Variants in PSTPIP2 observed in about 807,000 individuals in gnomAD.
PSTPIP2 encodes the protein proline-serine-threonine phosphatase-interacting protein 2.
Under a neutral mutation model 63.3 loss-of-function variants are expected in PSTPIP2, and 33 were observed. That is an observed-to-expected ratio of 0.52 (90% CI 0.40 to 0.70). The LOEUF (loss-of-function observed/expected upper bound fraction) is 0.70, where lower values mean the gene tolerates loss of function less well. Ranked by LOEUF, PSTPIP2 falls within the 30% of genes least tolerant of loss-of-function variation. The pLI is 0.00. For missense variants in PSTPIP2, 312 were observed against 400.7 expected (o/e 0.78, Z 1.89); for synonymous variants, 125 against 132.7 (o/e 0.94, Z 0.40).
intron 4 of PSTPIP2, among the ~76,000 whole-genome samples, chr18:46,013,780 A>G (rs2051825418): frequency 6.6e-6 from 1 of 152,134 alleles, no homozygotes; most frequent in Non-Finnish European, 1.5e-5. Context: ...CAGGAAGAAA[A>G]TGACTCCTTA....
chr18:45,997,674 C>G lies in PSTPIP2; in HGVS notation c.642+75G>C, dbSNP rs369221828. The G allele has an allele frequency of 0.029, 8,276 of 280,684 alleles. 1,157 individuals carry two copies. In the East Asian group the frequency reaches 0.38, roughly 13 times the overall value. 17.4% of individuals were successfully genotyped at this position (280,684 alleles called of 1,614,324 possible). Reference sequence around the variant, plus strand: ...CCTCCCCCTCCTCCCCTCCCCCCCCCGTCCTGAGCAGCTTCCTGTTACACA... The same window carrying G: ...CCTCCCCCTCCTCCCCTCCCCCCCCGGTCCTGAGCAGCTTCCTGTTACACA... On this transcript the variant is annotated intron_variant, in intron 9 of 14. Transcript: ENST00000409746.
At chr18:46,029,211 T>G in intron 2 of PSTPIP2, 11 of 1,048,848 alleles carry the variant, frequency 1.0e-5, no homozygotes, top group African/African-American at 1.6e-5. Context: ...GTGCATCAAG[T>G]GAGAGGTTTG....
At position 46,006,360 on chromosome 18, in the gene PSTPIP2, C is replaced by CTTTT. The variant is rs756384731; in HGVS notation, c.355-833_355-830dup. On this transcript the variant is annotated intron_variant, in intron 5 of 14. Coordinates refer to ENST00000409746, the MANE Select transcript of PSTPIP2 (RefSeq NM_024430.4). ...TGAGCCACCATGCCCAGCCCTGGTA[C>CTTTT]TTTTTTTTTTTTTTTTTTTTTTTTT... Among the ~76,000 whole-genome samples, 26 of 115,642 alleles carry CTTTT rather than the reference C, an allele frequency of 2.2e-4. 3 individuals are homozygous for CTTTT. The highest frequency in any genetic ancestry group is 7.0e-4 in the African/African-American group (19 of 27,118). 75.9% of individuals were successfully genotyped at this position (115,642 alleles called of 152,430 possible). A position where few individuals can be genotyped will look rare whatever the true frequency, so the allele number is the denominator to read the frequency against.
Position 45,983,631 on chromosome 18 carries a change from C to T in PSTPIP2, c.*1828G>A, listed in dbSNP as rs961937636. 6.6e-6 allele frequency: 1 copy of T among 152,178 alleles called. No homozygotes were observed. The highest frequency in any genetic ancestry group is 6.5e-5 in the Admixed American group (1 of 15,282). The allele number at this position is 152,178 out of a possible 1,614,324, so 9.4% of individuals were successfully genotyped here. A position where few individuals can be genotyped will look rare whatever the true frequency, so the allele number is the denominator to read the frequency against. On this transcript the variant is annotated 3_prime_UTR_variant, in exon 15 of 15. Transcript: ENST00000409746. The stretch of plus-strand genomic sequence containing the variant: ...CCACAAAACGGTTTTACATCAACTA[C>T]ACTGACCAATACAGAGAAAAGGGAA...
chr18:45,997,136 G>A (rs2051604709), intron 9 of PSTPIP2, among the ~76,000 whole-genome samples: 1 of 152,172 alleles, frequency 6.6e-6, no homozygotes, highest in South Asian at 2.1e-4. Flanking sequence ...AAGGTTTGGG[G>A]AAAACTATTC....
chr18:45,988,908 G>T (rs1487168529), intron 13 of PSTPIP2, 149 bp from the exon 14 acceptor site: 1 of 662,318 alleles, frequency 1.5e-6, no homozygotes, highest in East Asian at 2.7e-5. Context: ...AACTATAAAT[G>T]GTAGTCACGA....
intron 4 of PSTPIP2, among the ~76,000 whole-genome samples, chr18:46,014,314 A>AC (rs72539969): frequency 1 from 152,235 of 152,236 alleles, 76,117 homozygotes; most frequent in Middle Eastern, 1. Context: ...GAGCCACCGC[A>AC]CAGGCCAAAA....
chr18:46,028,714 G>GA lies in PSTPIP2; in HGVS notation c.135-4029dup. 3.3e-6 allele frequency: 3 copies of GA among 899,628 alleles called. No individual in the cohort carries two copies. In the Admixed American group the frequency reaches 5.2e-5, roughly 16 times the overall value. 55.7% of individuals were successfully genotyped at this position (899,628 alleles called of 1,614,324 possible). A position where few individuals can be genotyped will look rare whatever the true frequency, so the allele number is the denominator to read the frequency against. On this transcript the variant is annotated intron_variant, in intron 2 of 14. Transcript: ENST00000409746. Reference sequence around the variant, plus strand: ...AAAGATAATGATGAAAAATGCTAGTGAAAGTAAACTTTAGAAAGACAAACT... The same window carrying GA: ...AAAGATAATGATGAAAAATGCTAGTGAAAAGTAAACTTTAGAAAGACAAACT...
At position 45,985,094 on chromosome 18, in the gene PSTPIP2, C is replaced by T. The variant is rs1384592727; in HGVS notation, c.*365G>A. On this transcript the variant is annotated 3_prime_UTR_variant, in exon 15 of 15. Coordinates refer to ENST00000409746, the MANE Select transcript of PSTPIP2 (RefSeq NM_024430.4). ...GCCAGGCTGCCCAAAGCCAAAGGAG[C>T]CACTACTGCAGTTGGTGGCTCAGAA... is the stretch of plus-strand genomic sequence containing the variant. The T allele has an allele frequency of 3.7e-6, 1 of 268,134 alleles. No individual in the cohort carries two copies. The highest frequency in any genetic ancestry group is 6.9e-6 in the Non-Finnish European group (1 of 144,706). 16.6% of individuals were successfully genotyped at this position (268,134 alleles called of 1,614,324 possible).
intron 1 of PSTPIP2, among the ~76,000 whole-genome samples, chr18:46,049,401 AC>A (rs1274939148): frequency 1.3e-5 from 2 of 151,972 alleles, no homozygotes; most frequent in African/African-American, 4.8e-5. Context: ...TGTACAACAA[AC>A]CCCCATGACA....
intron 14 of PSTPIP2, among the ~76,000 whole-genome samples, chr18:45,988,253 G>A (rs2051487114): frequency 6.6e-6 from 1 of 151,884 alleles, no homozygotes; most frequent in Non-Finnish European, 1.5e-5. Flanking sequence ...CCAACATGGT[G>A]AAGCCCTGTT....
At chr18:45,996,972 G>T (rs2144065784) in intron 9 of PSTPIP2, among the ~76,000 whole-genome samples, 1 of 152,172 alleles carries the variant, frequency 6.6e-6, no homozygotes, top group South Asian at 2.1e-4. Flanking sequence ...CTTGCTGTTG[G>T]CATTCCCTTT....
intron 1 of PSTPIP2, among the ~76,000 whole-genome samples, chr18:46,068,459 G>C (rs771104518): frequency 2.0e-5 from 3 of 151,978 alleles, no homozygotes; most frequent in Non-Finnish European, 2.9e-5. Context: ...CACCATGCCC[G>C]GGTAATTTTT....
intron 5 of PSTPIP2, among the ~76,000 whole-genome samples, chr18:46,009,974 C>G (rs1002811310): frequency 1.3e-5 from 2 of 152,174 alleles, no homozygotes; most frequent in Non-Finnish European, 1.5e-5. Flanking sequence ...GTCAAAGCAC[C>G]TGACAGGGTG....
intron 1 of PSTPIP2, among the ~76,000 whole-genome samples, chr18:46,040,564 T>C (rs189426328): frequency 6.6e-6 from 1 of 152,270 alleles, no homozygotes; most frequent in Admixed American, 6.5e-5. Context: ...AACCCTTGCT[T>C]GTAAGCCATC....
intron 4 of PSTPIP2, among the ~76,000 whole-genome samples, chr18:46,014,926 G>A (rs2051837776): frequency 6.6e-6 from 1 of 152,156 alleles, no homozygotes; most frequent in Non-Finnish European, 1.5e-5. Context: ...GCTGGTGTCA[G>A]GGATGAGGAT....
intron 1 of PSTPIP2, among the ~76,000 whole-genome samples, chr18:46,051,753 G>T (rs1297603059): frequency 1.3e-5 from 2 of 152,182 alleles, no homozygotes; most frequent in African/African-American, 4.8e-5. Flanking sequence ...ATTGAAGTAG[G>T]TGTTTTAATT....
chr18:46,065,291 T>C (rs1001240648), intron 1 of PSTPIP2, among the ~76,000 whole-genome samples: 3 of 149,792 alleles, frequency 2.0e-5, no homozygotes, highest in African/African-American at 7.4e-5. Flanking sequence ...TAAAATAAGT[T>C]ATAATTTTTT....
chr18:45,991,991 A>G lies in PSTPIP2; in HGVS notation c.839-8T>C, dbSNP rs1487788499. On this transcript the variant is annotated splice_region_variant and splice_polypyrimidine_tract_variant and intron_variant, in intron 11 of 14. Coordinates refer to ENST00000409746, the MANE Select transcript of PSTPIP2 (RefSeq NM_024430.4). Reference sequence around the variant, plus strand: ...TCTCATACATGATGGGTGCTAGGAGAGTCACCAAGAAACAGGACATGAAGA... The same window carrying G: ...TCTCATACATGATGGGTGCTAGGAGGGTCACCAAGAAACAGGACATGAAGA... The G allele has an allele frequency of 1.2e-6, 2 of 1,607,636 alleles. No individual in the cohort carries two copies. Among genetic ancestry groups the G allele is most frequent in the African/African-American group, 1.3e-5 (1 of 74,720 alleles).
Sources: allele counts gnomAD v4.1 joint callset (sites outside exome capture counted in the v4.1 genomes callset), GRCh38; gene constraint gnomAD v4.1.1; transcripts MANE v1.5; gene names NCBI Gene and HGNC (gene_info 2026-07-23, HGNC 2026-07-21).